The following NGFR variants were observed in gnomAD, a reference collection of about 807,000 sequenced individuals.
The protein encoded by NGFR is tumor necrosis factor receptor superfamily member 16.
A neutral mutation model predicts 43.2 loss-of-function variants in NGFR; 30 were observed. That is an observed-to-expected ratio of 0.69 (90% CI 0.52 to 0.94). The LOEUF (loss-of-function observed/expected upper bound fraction) is 0.94, where lower values mean the gene tolerates loss of function less well. Among genes scored for constraint, NGFR ranks in the 40% least tolerant of loss-of-function variants. The probability of loss-of-function intolerance (pLI) is 0.00; values close to 1 mark genes in which losing one functional copy is unlikely to be tolerated. For synonymous variants in NGFR, 246 were observed against 259.6 expected (o/e 0.95, Z 0.50); for missense variants, 529 against 602.5 (o/e 0.88, Z 1.28).
Position 49,510,561 on chromosome 17 carries a change from C to G in NGFR, c.718C>G (p.Gln240Glu). 1 of 1,614,118 alleles carries G rather than the reference C, an allele frequency of 6.2e-7. No homozygotes were observed. The highest frequency in any genetic ancestry group is 8.5e-7 in the Non-Finnish European group (1 of 1,180,016). ...GGTGACCACAGTGATGGGCAGCTCC[C>G]AGCCCGTGGTGACCCGAGGCACCAC... ...GVVTTVMGSSQPVVTRGTTDN... is the reference protein window; with the variant it reads ...GVVTTVMGSSEPVVTRGTTDN... The change falls in exon 4 of 6, where the codon CAG becomes GAG. Residue 240 changes from glutamine (Q) to glutamate (E), a missense_variant. By Grantham distance (29) the Gln-to-Glu change is conservative. Transcript: ENST00000172229.
intron 1 of NGFR, among the ~76,000 whole-genome samples, chr17:49,498,561 G>A (rs986163455): frequency 2.0e-5 from 3 of 152,090 alleles, no homozygotes; most frequent in African/African-American, 4.8e-5. Flanking sequence ...TGAAACATTC[G>A]TATGGTTTCA....
chr17:49,495,646 A>T lies in NGFR; in HGVS notation c.66+163A>T. The stretch of plus-strand genomic sequence containing the variant: ...ATGCCGGGACCACGAAGGAGGGTCT[A>T]GGGTTCCCGGAGCGCAGAGGCGACT... On this transcript the variant is annotated intron_variant, in intron 1 of 5. Transcript: ENST00000172229. This position sits in a 1 kb window ranked among gnomAD's most constrained non-coding sequence, Gnocchi z 6.4. 3.3e-6 allele frequency: 2 copies of T among 606,496 alleles called. No homozygotes were observed. The highest frequency in any genetic ancestry group is 1.9e-5 in the African/African-American group (1 of 52,228). 37.6% of individuals were successfully genotyped at this position (606,496 alleles called of 1,614,324 possible).
At chr17:49,501,943 A>G in intron 1 of NGFR, 120 bp from the exon 2 acceptor site, 1 of 1,032,616 alleles carries the variant, frequency 9.7e-7, no homozygotes, top group Non-Finnish European at 1.4e-6. Context: ...AGCTCATCCC[A>G]GCCCAGGTGG....
In NGFR at chr17:49,514,754, C is replaced by T. The variant is rs558345399; in HGVS notation, c.*1745C>T. The T allele has an allele frequency of 2.6e-5, 4 of 152,140 alleles. No individual in the cohort carries two copies. Among genetic ancestry groups the T allele is most frequent in the African/African-American group, 9.6e-5 (4 of 41,484 alleles). 9.4% of individuals were successfully genotyped at this position (152,140 alleles called of 1,614,324 possible). ...GAGTCTGGGTGTATTTATTTTCCTC[C>T]CCAGCAGGTGGGGAGGGGGTTTGGG... On this transcript the variant is annotated 3_prime_UTR_variant, in exon 6 of 6. Coordinates refer to ENST00000172229, the MANE Select transcript of NGFR (RefSeq NM_002507.4).
chr17:49,513,217 C>G lies in NGFR; in HGVS notation c.*208C>G. On this transcript the variant is annotated 3_prime_UTR_variant, in exon 6 of 6. Transcript: ENST00000172229. Reference sequence around the variant, plus strand: ...CTTCACTTCTGACCACACTTCCTGTCCAGAGAGAGAAGTGCCCCTGCTGCC... The same window carrying G: ...CTTCACTTCTGACCACACTTCCTGTGCAGAGAGAGAAGTGCCCCTGCTGCC... 1 of 558,136 alleles carries G rather than the reference C, an allele frequency of 1.8e-6. No homozygotes were observed. The highest frequency in any genetic ancestry group is 3.1e-6 in the Non-Finnish European group (1 of 327,054). The allele number at this position is 558,136 out of a possible 1,614,324, so 34.6% of individuals were successfully genotyped here.
At chr17:49,497,749 G>A (rs2071147245) in intron 1 of NGFR, 1 of 152,286 alleles carries the variant, frequency 6.6e-6, no homozygotes, top group African/African-American at 2.4e-5. Flanking sequence ...TCTGTAACCA[G>A]AGCCGCCGGG....
chr17:49,499,805 T>G (rs2071157285), intron 1 of NGFR, among the ~76,000 whole-genome samples: 1 of 152,118 alleles, frequency 6.6e-6, no homozygotes, highest in Non-Finnish European at 1.5e-5. Flanking sequence ...GGCAGGATGG[T>G]CTCGATCTCC....
In NGFR at chr17:49,510,405, C is replaced by T; in HGVS notation, c.569-7C>T. On this transcript the variant is annotated splice_polypyrimidine_tract_variant and splice_region_variant and intron_variant, in intron 3 of 5. Coordinates refer to ENST00000172229, the MANE Select transcript of NGFR (RefSeq NM_002507.4). The stretch of plus-strand genomic sequence containing the variant: ...TGGGTCCTCACTCCTGTGGCCTTTT[C>T]TCCCAGAGATCCCTGGCCGTTGGAT... 6.2e-7 allele frequency: 1 copy of T among 1,612,704 alleles called. No homozygotes were observed. Among genetic ancestry groups the T allele is most frequent in the East Asian group, 2.2e-5 (1 of 44,850 alleles).
chr17:49,505,008 G>C (rs762586011), intron 2 of NGFR, among the ~76,000 whole-genome samples: 1 of 152,072 alleles, frequency 6.6e-6, no homozygotes, highest in Non-Finnish European at 1.5e-5. Flanking sequence ...CTGGCCTCAA[G>C]TGATCTGCTC....
rs1472814572 is a variant in NGFR at position 49,506,315 on chromosome 17, C to T, written c.225C>T (p.Asp75=). The part of the protein sequence containing the change: ...EPCLDSVTFS[D]VVSATEPCKP... ...TGCGCTCAGGCGTGACGTTCTCCGA[C>T]GTGGTGAGCGCGACCGAGCCGTGCA... Residue 75 remains aspartate (D), a synonymous_variant, in exon 3 of 6, where the codon GAC becomes GAT. Transcript: ENST00000172229. 8 of 1,566,608 alleles carry T rather than the reference C, an allele frequency of 5.1e-6. No individual in the cohort carries two copies. Among genetic ancestry groups the T allele is most frequent in the Admixed American group, 1.7e-5 (1 of 57,460 alleles).
At position 49,500,234 on chromosome 17, in the gene NGFR, T is replaced by C. The variant is rs190344862; in HGVS notation, c.67-1829T>C. On this transcript the variant is annotated intron_variant, in intron 1 of 5. Transcript: ENST00000172229. ...GAGACAGGGAAGGGTGCAGCCACCA[T>C]GGTGAAAAGCAAAAATGATGAGGGC... 3.2e-4 allele frequency among the ~76,000 whole-genome samples: 48 copies of C among 152,286 alleles called. 1 individual carries two copies. Among genetic ancestry groups the C allele is most frequent in the South Asian group, 2.7e-3 (13 of 4,826 alleles).
chr17:49,506,666 C>CCT lies in NGFR; in HGVS notation c.568+8_568+9insCT. The CCT allele has an allele frequency of 4.3e-6, 2 of 460,364 alleles. No homozygotes were observed. The highest frequency in any genetic ancestry group is 6.4e-5 in the South Asian group (1 of 15,716). 28.5% of individuals were successfully genotyped at this position (460,364 alleles called of 1,614,324 possible). A position where few individuals can be genotyped will look rare whatever the true frequency, so the allele number is the denominator to read the frequency against. The stretch of plus-strand genomic sequence containing the variant: ...CCGACGCCGAGTGCGAGGGTGAGTG[C>CCT]GGTTCGGGGGGCGGGGGGAGTGGGG... On this transcript the variant is annotated intron_variant, in intron 3 of 5. Transcript: ENST00000172229.
At chr17:49,508,231 G>A (rs2071211045) in intron 3 of NGFR, among the ~76,000 whole-genome samples, 1 of 152,242 alleles carries the variant, frequency 6.6e-6, no homozygotes, top group Non-Finnish European at 1.5e-5. Flanking sequence ...CATTTCTGTA[G>A]GCAAGTCCAG....
chr17:49,502,351 G>A (rs573187369), intron 2 of NGFR, 147 bp downstream of exon 2: 5 of 852,960 alleles, frequency 5.9e-6, no homozygotes, highest in African/African-American at 3.4e-5. Flanking sequence ...CTGACCCAGT[G>A]TAGGAGGCGC....
At chr17:49,498,769 A>C (rs1285406554) in intron 1 of NGFR, among the ~76,000 whole-genome samples, 1 of 152,246 alleles carries the variant, frequency 6.6e-6, no homozygotes, top group Non-Finnish European at 1.5e-5. Context: ...AGTGTAACAC[A>C]TACAAATTTC....
intron 2 of NGFR, 76 bp downstream of exon 2, chr17:49,502,280 G>A: frequency 6.8e-7 from 1 of 1,478,070 alleles, no homozygotes; most frequent in South Asian, 1.3e-5. Context: ...GGGGCGCTGG[G>A]GAGAAGCATG....
chr17:49,507,013 G>A (rs536985178), intron 3 of NGFR, among the ~76,000 whole-genome samples: 28 of 152,302 alleles, frequency 1.8e-4, no homozygotes, highest in African/African-American at 6.7e-4. Context: ...CAAGCAGCTC[G>A]AAGGTGGCCA....
In NGFR at chr17:49,502,214, G is replaced by A. The variant is rs373947200; in HGVS notation, c.208+10G>A. 2 of 1,588,042 alleles carry A rather than the reference G, an allele frequency of 1.3e-6. No homozygotes were observed. The highest frequency in any genetic ancestry group is 1.7e-6 in the Non-Finnish European group (2 of 1,163,386). On this transcript the variant is annotated intron_variant, in intron 2 of 5. Coordinates refer to ENST00000172229, the MANE Select transcript of NGFR (RefSeq NM_002507.4). ...GAGCCCTGCCTGGACAGTGAGTAGAGGGTGGCGGGCAGGAGGAGGGGAGAA... is the reference window on the plus strand; with the variant it reads ...GAGCCCTGCCTGGACAGTGAGTAGAAGGTGGCGGGCAGGAGGAGGGGAGAA...
At chr17:49,497,640 C>T (rs1414908760) in intron 1 of NGFR, 1 of 152,270 alleles carries the variant, frequency 6.6e-6, no homozygotes, top group Non-Finnish European at 1.5e-5. Flanking sequence ...GAGTTTCTTC[C>T]TGGGCCGCGG....
Sources: gnomAD v4.1 joint callset for allele counts (sites outside exome capture counted in the v4.1 genomes callset) on GRCh38, gnomAD v4.1.1 for gene constraint, Gnocchi (gnomAD v3.1) non-coding constraint, MANE v1.5 for transcripts, NCBI Gene and HGNC (gene_info 2026-07-23, HGNC 2026-07-21) for gene names.